The following CLASP1 variants were observed in gnomAD, a reference collection of about 807,000 sequenced individuals.
CLASP1 encodes cytoplasmic linker associated protein 1, also known as CLIP-associating protein 1.
Under a neutral mutation model 192.3 loss-of-function variants are expected in CLASP1, and 38 were observed. That is an observed-to-expected ratio of 0.20 (90% confidence interval 0.15 to 0.26). The LOEUF is 0.26. Ranked by LOEUF, CLASP1 falls within the 10% of genes least tolerant of loss-of-function variation. The pLI is 1.00. For missense variants in CLASP1, 1,433 were observed against 1,932.5 expected, an observed-to-expected ratio of 0.74 and a Z score of 4.85; for synonymous variants, 691 against 712.8, an observed-to-expected ratio of 0.97 and a Z score of 0.49.
chr2:121,566,017 AG>A (rs1433822852), intron 2 of CLASP1, among the ~76,000 whole-genome samples: 26 of 152,354 alleles, frequency 1.7e-4, no homozygotes, highest in African/African-American at 6.0e-4. Flanking sequence ...AGCAGGAGCT[AG>A]CACTGGGCTC....
At chr2:121,619,867 C>A (rs538853429) in intron 1 of CLASP1, among the ~76,000 whole-genome samples, 1 of 152,232 alleles carries the variant, frequency 6.6e-6, no homozygotes, top group African/African-American at 2.4e-5. Flanking sequence ...CTGAGAACTG[C>A]TGAAGCTTGG....
At chr2:121,533,745 T>C (rs1553618024) in intron 2 of CLASP1, among the ~76,000 whole-genome samples, 1 of 152,210 alleles carries the variant, frequency 6.6e-6, no homozygotes, top group Non-Finnish European at 1.5e-5. Context: ...TTATCTACGT[T>C]TGTGCTTGTT....
rs1038638396 is a variant in CLASP1, at chr2:121,606,199, G to C, written c.-285-19C>G. On this transcript the variant is annotated intron_variant, in intron 1 of 39. Transcript: ENST00000263710. ...GTCCATTCTGAAAAGTAAGAGAAGA[G>C]AACGACAAATTAGCACAGATAACAT... is the stretch of plus-strand genomic sequence containing the variant. 2.2e-6 allele frequency: 1 copy of C among 452,204 alleles called. No individual in the cohort carries two copies. 28.0% of individuals were successfully genotyped at this position (452,204 alleles called of 1,614,324 possible). A position where few individuals can be genotyped will look rare whatever the true frequency, so the allele number is the denominator to read the frequency against.
intron 2 of CLASP1, among the ~76,000 whole-genome samples, chr2:121,594,415 C>T (rs983962918): frequency 2.2e-4 from 33 of 149,414 alleles, no homozygotes; most frequent in Admixed American, 1.1e-3. Context: ...TTTTAAGAGA[C>T]GGAGTCTTGC....
chr2:121,630,740 T>C (rs1170417035), intron 1 of CLASP1, among the ~76,000 whole-genome samples: 1 of 151,460 alleles, frequency 6.6e-6, no homozygotes, highest in African/African-American at 2.4e-5. Context: ...GGTGGATGCC[T>C]GTAATCCCAG....
At chr2:121,468,236 T>C (rs1412941706) in intron 9 of CLASP1, among the ~76,000 whole-genome samples, 1 of 152,216 alleles carries the variant, frequency 6.6e-6, no homozygotes, top group Non-Finnish European at 1.5e-5. Context: ...TCCAGCTTTG[T>C]TCTTTTTGCT....
intron 2 of CLASP1, among the ~76,000 whole-genome samples, chr2:121,532,993 A>G (rs1372612794): frequency 6.6e-6 from 1 of 152,218 alleles, no homozygotes; most frequent in Non-Finnish European, 1.5e-5. Context: ...GGTGTTATTC[A>G]TGACAGAAAC....
At chr2:121,603,370 T>G (rs2064025004) in intron 2 of CLASP1, among the ~76,000 whole-genome samples, 1 of 152,014 alleles carries the variant, frequency 6.6e-6, no homozygotes, top group Admixed American at 6.5e-5. Flanking sequence ...AAAACCACAA[T>G]GAGGTATCAA....
At chr2:121,526,847 T>C (rs922426436) in intron 5 of CLASP1, among the ~76,000 whole-genome samples, 2 of 152,150 alleles carry the variant, frequency 1.3e-5, no homozygotes, top group African/African-American at 4.8e-5. Context: ...AATTTATAAT[T>C]TTTAAAAAGC....
chr2:121,526,070 A>G, intron 5 of CLASP1, 150 bp from the exon 6 acceptor site: 1 of 634,540 alleles, frequency 1.6e-6, no homozygotes, highest in Non-Finnish European at 2.8e-6. Context: ...ACTGGCTCCA[A>G]AGTAAATGTG....
At chr2:121,598,165 T>C (rs1414746379) in intron 2 of CLASP1, among the ~76,000 whole-genome samples, 1 of 152,230 alleles carries the variant, frequency 6.6e-6, no homozygotes, top group Non-Finnish European at 1.5e-5. Flanking sequence ...TCACAAATCC[T>C]TCCATGTTGA....
At chr2:121,530,393 C>G in intron 2 of CLASP1, 68 bp from the exon 3 acceptor site, 2 of 1,285,100 alleles carry the variant, frequency 1.6e-6, no homozygotes, top group South Asian at 1.3e-5. Context: ...CCCACCCGCT[C>G]CGGGGAGGCC....
intron 34 of CLASP1, among the ~76,000 whole-genome samples, chr2:121,373,816 C>T (rs569527975): frequency 2.0e-5 from 3 of 152,198 alleles, no homozygotes; most frequent in Non-Finnish European, 4.4e-5. Flanking sequence ...GGCCTGGCTG[C>T]TTCTAAAAGC....
chr2:121,639,193 C>T (rs905195823), intron 1 of CLASP1, among the ~76,000 whole-genome samples: 24 of 151,928 alleles, frequency 1.6e-4, no homozygotes, highest in South Asian at 8.3e-4. Context: ...AGGAGAATGG[C>T]GTGAACCCGG....
intron 19 of CLASP1, among the ~76,000 whole-genome samples, chr2:121,432,016 A>G (rs1195434721): frequency 1.3e-5 from 2 of 152,172 alleles, no homozygotes; most frequent in African/African-American, 4.8e-5. Flanking sequence ...AGCAGCACTT[A>G]TGTGTGTCTG....
chr2:121,478,995 C>T, intron 8 of CLASP1, among the ~76,000 whole-genome samples: 1 of 97,530 alleles, frequency 1.0e-5, no homozygotes, highest in Non-Finnish European at 2.1e-5. Context: ...ACACACCCCA[C>T]ACACACACCA....
chr2:121,448,502 A>AT (rs2084805127), intron 17 of CLASP1, among the ~76,000 whole-genome samples, 177 bp from the exon 18 acceptor site: 1 of 152,258 alleles, frequency 6.6e-6, no homozygotes, highest in South Asian at 2.1e-4. Flanking sequence ...TTAGCAATCT[A>AT]TTTTGGACTG....
At chr2:121,612,312 T>G (rs1476467202) in intron 1 of CLASP1, among the ~76,000 whole-genome samples, 9 of 116,158 alleles carry the variant, frequency 7.7e-5, no homozygotes, top group African/African-American at 1.0e-4. Context: ...AAGAAGAGTA[T>G]GAGGAAGAGG....
chr2:121,621,469 A>C (rs961521147), intron 1 of CLASP1, among the ~76,000 whole-genome samples: 11 of 152,172 alleles, frequency 7.2e-5, no homozygotes, highest in Non-Finnish European at 1.2e-4. Flanking sequence ...ATTTAGGTCT[A>C]TGATGAATTC....
Sources: allele counts gnomAD v4.1 joint callset (sites outside exome capture counted in the v4.1 genomes callset), GRCh38; gene constraint gnomAD v4.1.1; transcripts MANE v1.5; gene names NCBI Gene and HGNC (gene_info 2026-07-23, HGNC 2026-07-21).